Variants in PARM1 observed in about 807,000 individuals in gnomAD.
The protein encoded by PARM1 is prostate androgen-regulated mucin-like protein 1.
In PARM1, 14 loss-of-function variants were observed where a neutral mutation model predicts 24.6. That is an observed-to-expected ratio of 0.57 (90% CI 0.38 to 0.89). PARM1 has a LOEUF of 0.89. Among genes scored for constraint, PARM1 ranks in the 40% least tolerant of loss-of-function variants. PARM1 has a pLI of 0.00. For synonymous variants in PARM1, 179 were observed against 156.6 expected (o/e 1.14, Z -1.07); for missense variants, 362 against 380.4 (o/e 0.95, Z 0.40).
chr4:74,967,690 AAAG>A (rs1302464889), intron 1 of PARM1: 2 of 152,338 alleles, frequency 1.3e-5, no homozygotes, highest in African/African-American at 2.4e-5. Context: ...AAAAGACATG[AAAG>A]AAGGTCACAA....
intron 2 of PARM1, among the ~76,000 whole-genome samples, chr4:75,027,376 G>A (rs1015314140): frequency 1.3e-5 from 2 of 152,096 alleles, no homozygotes; most frequent in East Asian, 3.9e-4. Context: ...GAGGAGACGA[G>A]ATGTGCTTCC....
chr4:75,018,236 G>C (rs1390578354), intron 2 of PARM1, among the ~76,000 whole-genome samples: 2 of 152,198 alleles, frequency 1.3e-5, no homozygotes, highest in African/African-American at 2.4e-5. Flanking sequence ...TGGGTCCCAA[G>C]CTACATGGAG....
At chr4:75,029,833 G>A (rs1723243782) in intron 2 of PARM1, among the ~76,000 whole-genome samples, 2 of 151,840 alleles carry the variant, frequency 1.3e-5, no homozygotes, top group Admixed American at 1.3e-4. Context: ...TGAATAGGTG[G>A]TGAGTCAGCT....
chr4:74,981,630 A>C (rs1722257821), intron 1 of PARM1, among the ~76,000 whole-genome samples: 1 of 152,102 alleles, frequency 6.6e-6, no homozygotes, highest in Non-Finnish European at 1.5e-5. Flanking sequence ...TAATCCCAGC[A>C]CTTTGGGAGA....
intron 2 of PARM1, among the ~76,000 whole-genome samples, chr4:75,018,171 A>G (rs942667804): frequency 6.6e-6 from 1 of 152,230 alleles, no homozygotes; most frequent in African/African-American, 2.4e-5. Flanking sequence ...CACTTCACTC[A>G]TGGACATTAC....
At chr4:74,971,715 T>C (rs775104567) in intron 1 of PARM1, among the ~76,000 whole-genome samples, 3 of 152,184 alleles carry the variant, frequency 2.0e-5, no homozygotes, top group Non-Finnish European at 4.4e-5. Flanking sequence ...TGAGTCTTGC[T>C]TTGCTGAATT....
intron 1 of PARM1, among the ~76,000 whole-genome samples, chr4:74,990,944 C>T (rs1454080957): frequency 6.6e-6 from 1 of 152,012 alleles, no homozygotes; most frequent in Non-Finnish European, 1.5e-5. Context: ...GTGAAGAAGA[C>T]AGAGATAAGA....
intron 2 of PARM1, among the ~76,000 whole-genome samples, chr4:75,019,540 G>A (rs189638116): frequency 4.6e-5 from 7 of 152,214 alleles, no homozygotes; most frequent in Non-Finnish European, 8.8e-5. Context: ...CAGTATGAGC[G>A]ATGCCAATAA....
chr4:74,940,289 T>C (rs1321827107), intron 1 of PARM1, among the ~76,000 whole-genome samples: 2 of 152,248 alleles, frequency 1.3e-5, no homozygotes, highest in East Asian at 1.9e-4. Flanking sequence ...TGACATGGTT[T>C]TAGTTTTGTA....
intron 1 of PARM1, among the ~76,000 whole-genome samples, chr4:75,007,463 G>A (rs1722793391): frequency 6.6e-6 from 1 of 152,104 alleles, no homozygotes; most frequent in Non-Finnish European, 1.5e-5. Context: ...GTTCTTTCCA[G>A]GTAGACACTG....
Position 74,960,780 on chromosome 4 carries a change from G to A in PARM1, c.43+27410G>A, listed in dbSNP as rs112525700. Among the ~76,000 whole-genome samples, 122 of 151,954 alleles carry A rather than the reference G, an allele frequency of 8.0e-4. No homozygotes were observed. The Middle Eastern group carries it at 0.017, about 21-fold the overall frequency. On this transcript the variant is annotated intron_variant, in intron 1 of 3. Transcript: ENST00000307428. ...ACACAGCACTTTGGGAGGCCGAGGC[G>A]GGTGGATCACAAGGTCAGGAGATTG...
At chr4:75,028,841 A>C (rs1365163) in intron 2 of PARM1, among the ~76,000 whole-genome samples, 2,061 of 152,334 alleles carry the variant, frequency 0.014, 40 homozygotes, top group African/African-American at 0.047. Context: ...TAATATTTAC[A>C]TTTTGGATAC....
intron 1 of PARM1, among the ~76,000 whole-genome samples, chr4:74,952,934 C>G (rs1033388353): frequency 6.6e-6 from 1 of 152,098 alleles, no homozygotes; most frequent in African/African-American, 2.4e-5. Flanking sequence ...AAGAAGGAGA[C>G]CAAATAACAT....
intron 1 of PARM1, among the ~76,000 whole-genome samples, chr4:74,963,348 T>G (rs968234084): frequency 3.9e-5 from 6 of 152,218 alleles, no homozygotes; most frequent in Non-Finnish European, 8.8e-5. Context: ...AAACAGATAC[T>G]TTTAGGTAAT....
At chr4:74,972,572 A>T (rs1722060297) in intron 1 of PARM1, among the ~76,000 whole-genome samples, 1 of 152,206 alleles carries the variant, frequency 6.6e-6, no homozygotes, top group African/African-American at 2.4e-5. Context: ...GTAGTAGTAT[A>T]TGAGTTTTGA....
chr4:75,025,249 A>G (rs1340403630), intron 2 of PARM1, among the ~76,000 whole-genome samples: 3 of 152,166 alleles, frequency 2.0e-5, no homozygotes, highest in East Asian at 1.9e-4. Flanking sequence ...CATTTCTGGC[A>G]CACTCCTTTT....
chr4:74,980,080 C>T (rs1280019918), intron 1 of PARM1, among the ~76,000 whole-genome samples: 1 of 152,114 alleles, frequency 6.6e-6, no homozygotes, highest in Non-Finnish European at 1.5e-5. Flanking sequence ...CTTCTCTCAC[C>T]ACTTCTATTC....
chr4:75,030,520 G>A (rs1445575967), intron 2 of PARM1, among the ~76,000 whole-genome samples: 12 of 152,150 alleles, frequency 7.9e-5, no homozygotes, highest in South Asian at 2.1e-4. Context: ...CCAGACTTCA[G>A]GGAGGCCCAA....
intron 1 of PARM1, among the ~76,000 whole-genome samples, chr4:74,982,189 C>T (rs1216631160): frequency 6.6e-6 from 1 of 152,152 alleles, no homozygotes; most frequent in African/African-American, 2.4e-5. Flanking sequence ...CAAACTAATG[C>T]AGGAACAGAA....
Sources: allele counts gnomAD v4.1 joint callset (sites outside exome capture counted in the v4.1 genomes callset), GRCh38; gene constraint gnomAD v4.1.1; transcripts MANE v1.5; gene names NCBI Gene and HGNC (gene_info 2026-07-23, HGNC 2026-07-21).